PRKAR1B: variants seen among roughly 807,000 people sequenced by gnomAD.
PRKAR1B encodes the protein cAMP-dependent protein kinase type I-beta regulatory subunit.
PRKAR1B carries 22 observed loss-of-function variants against 46.5 expected under a neutral mutation model. The observed-to-expected ratio is 0.47, with a 90% CI of 0.34 to 0.68. The LOEUF (loss-of-function observed/expected upper bound fraction) is 0.68. Ranked by LOEUF, PRKAR1B falls within the 30% of genes least tolerant of loss-of-function variation. PRKAR1B has a pLI of 0.01. For synonymous variants in PRKAR1B, 259 were observed against 217.7 expected, an observed-to-expected ratio of 1.19 and a Z score of -1.67; for missense variants, 445 against 535.6, an observed-to-expected ratio of 0.83 and a Z score of 1.67.
At chr7:665,873 G>A (rs567801065) in intron 4 of PRKAR1B, among the ~76,000 whole-genome samples, 7 of 152,298 alleles carry the variant, frequency 4.6e-5, no homozygotes, top group East Asian at 1.9e-4. Context: ...AGAGATACGC[G>A]GGTGGGAGGA....
In PRKAR1B at chr7:687,817, C is replaced by T. The variant is rs375787493; in HGVS notation, c.178-7091G>A. On this transcript the variant is annotated intron_variant, in intron 2 of 10. Coordinates refer to ENST00000537384, the MANE Select transcript of PRKAR1B (RefSeq NM_001164760.2). ...AGCCAGAAAAAAAGGCATTACCGGCCGGGCATGGTGGCTCATGCCTGTAAT... is the reference window on the plus strand; with the variant it reads ...AGCCAGAAAAAAAGGCATTACCGGCTGGGCATGGTGGCTCATGCCTGTAAT... Among the ~76,000 whole-genome samples the T allele has an allele frequency of 3.2e-4, 48 of 152,290 alleles. No individual in the cohort carries two copies. In the East Asian group the frequency reaches 5.4e-3, roughly 17 times the overall value.
At chr7:715,105 G>T (rs560731945) in intron 1 of PRKAR1B, among the ~76,000 whole-genome samples, 1 of 152,252 alleles carries the variant, frequency 6.6e-6, no homozygotes, top group African/African-American at 2.4e-5. Context: ...AGAATCACTT[G>T]AACTCCAGTG....
chr7:643,555 T>C (rs999917372), intron 4 of PRKAR1B, among the ~76,000 whole-genome samples: 3 of 151,134 alleles, frequency 2.0e-5, no homozygotes, highest in Admixed American at 6.6e-5. Context: ...AAACCCAGTC[T>C]CTAATAAAAA....
At chr7:688,475 G>A (rs1357958457) in intron 2 of PRKAR1B, among the ~76,000 whole-genome samples, 5 of 151,494 alleles carry the variant, frequency 3.3e-5, no homozygotes, top group African/African-American at 7.2e-5. Flanking sequence ...CCTCCGATCT[G>A]AGTTGAAACA....
At chr7:605,876 G>T (rs1307302096) in intron 6 of PRKAR1B, among the ~76,000 whole-genome samples, 3 of 152,182 alleles carry the variant, frequency 2.0e-5, no homozygotes, top group Admixed American at 2.0e-4. Context: ...CCTCGGATCT[G>T]GAGACGGCGC....
upstream of PRKAR1B, among the ~76,000 whole-genome samples, chr7:728,689 C>G (rs773441679): frequency 8.5e-5 from 13 of 152,356 alleles, no homozygotes; most frequent in Middle Eastern, 0.01. Context: ...GTAGGTTCCA[C>G]AGGACAGCAC....
At chr7:551,541 C>T (rs974050439) in intron 9 of PRKAR1B, 71 bp from the exon 10 acceptor site, 16 of 1,454,464 alleles carry the variant, frequency 1.1e-5, no homozygotes, top group Non-Finnish European at 1.5e-5. Context: ...TGAGGGGTCA[C>T]CCCACAGGGG....
chr7:559,828 T>A (rs1303022245), intron 9 of PRKAR1B, among the ~76,000 whole-genome samples: 1 of 152,164 alleles, frequency 6.6e-6, no homozygotes, highest in East Asian at 1.9e-4. Flanking sequence ...GTAATCCCAA[T>A]ACTTTGGGAG....
At chr7:650,687 G>A (rs1784859599) in intron 4 of PRKAR1B, among the ~76,000 whole-genome samples, 2 of 152,348 alleles carry the variant, frequency 1.3e-5, no homozygotes, top group Non-Finnish European at 2.9e-5. Context: ...CTTTGACTGC[G>A]CCAACTTCAA....
intron 1 of PRKAR1B, among the ~76,000 whole-genome samples, chr7:715,619 G>A (rs1199977680): frequency 6.6e-6 from 1 of 152,062 alleles, no homozygotes; most frequent in Non-Finnish European, 1.5e-5. Flanking sequence ...AAGCCCTGTG[G>A]GGTCTTACTT....
In PRKAR1B at chr7:713,313, CGG is replaced by C. The variant is rs1780754219; in HGVS notation, c.-22-1788_-22-1787del. On this transcript the variant is annotated intron_variant, in intron 1 of 10. Coordinates refer to ENST00000537384, the MANE Select transcript of PRKAR1B (RefSeq NM_001164760.2). ...CTGTGCACACTCACCTGTCTACCCCCGGGGTCCTCCACCCACCTGCCCAGCCC... is the reference window on the plus strand; with the variant it reads ...CTGTGCACACTCACCTGTCTACCCCCGGTCCTCCACCCACCTGCCCAGCCC... 21 of 154,638 alleles carry C rather than the reference CGG, an allele frequency of 1.4e-4. No homozygotes were observed. The South Asian group carries it at 3.9e-3, about 28-fold the overall frequency. 9.6% of individuals were successfully genotyped at this position (154,638 alleles called of 1,614,324 possible).
intron 4 of PRKAR1B, among the ~76,000 whole-genome samples, chr7:672,585 T>C (rs920905209): frequency 6.6e-6 from 1 of 151,946 alleles, no homozygotes; most frequent in Non-Finnish European, 1.5e-5. Context: ...ATAAAAATAA[T>C]AGCCAGGCGC....
chr7:699,982 G>C (rs190043311), intron 2 of PRKAR1B, among the ~76,000 whole-genome samples: 1 of 152,176 alleles, frequency 6.6e-6, no homozygotes. Flanking sequence ...CGGCGTGGGC[G>C]GGGGAAGGGG....
At chr7:684,868 T>TCA (rs1554303000) in intron 2 of PRKAR1B, among the ~76,000 whole-genome samples, 25 of 130,764 alleles carry the variant, frequency 1.9e-4, no homozygotes, top group African/African-American at 6.9e-4. Context: ...TCCACCCACT[T>TCA]CACACAGACA....
At chr7:552,724 G>A (rs1032750501) in intron 9 of PRKAR1B, among the ~76,000 whole-genome samples, 10 of 152,194 alleles carry the variant, frequency 6.6e-5, no homozygotes, top group South Asian at 2.1e-4. Flanking sequence ...GGGAGGGGAC[G>A]CGCTGGGACC....
At position 677,281 on chromosome 7, in the gene PRKAR1B, T is replaced by G; in HGVS notation, c.388A>C (p.Lys130Gln). The change falls in exon 4 of 11, where the codon AAG becomes CAG. Residue 130 changes from lysine to glutamine, a missense_variant. Lys to Gln is a moderately conservative substitution (Grantham distance 53). Around this residue, in one of 5 missense-constraint regions of PRKAR1B, gnomAD observed 94 missense variants for 126.9 expected, o/e 0.74. Transcript: ENST00000537384. ...AAGAGCACGTTCTTGGAGATGGCCT[T>G]GGCCAGCGCAGTCATGGTTTTGTAG... Reference protein sequence around the residue: ...KDYKTMTALAKAISKNVLFAH... With the variant: ...KDYKTMTALAQAISKNVLFAH... 6.2e-7 allele frequency: 1 copy of G among 1,614,258 alleles called. No homozygotes were observed. Among genetic ancestry groups the G allele is most frequent in the South Asian group, 1.1e-5 (1 of 91,086 alleles).
At chr7:563,751 G>C (rs1260168440) in intron 9 of PRKAR1B, among the ~76,000 whole-genome samples, 1 of 151,828 alleles carries the variant, frequency 6.6e-6, no homozygotes, top group Non-Finnish European at 1.5e-5. Context: ...GTATGTACGT[G>C]TGTGTGCTCA....
At chr7:726,303 A>G (rs1160859269) in intron 1 of PRKAR1B, among the ~76,000 whole-genome samples, 1 of 151,800 alleles carries the variant, frequency 6.6e-6, no homozygotes, top group Non-Finnish European at 1.5e-5. Context: ...CCTGGAACGG[A>G]CCTTCCCAAA....
intron 4 of PRKAR1B, among the ~76,000 whole-genome samples, chr7:640,905 T>G (rs1044420132): frequency 3.3e-5 from 5 of 151,340 alleles, no homozygotes; most frequent in African/African-American, 1.2e-4. Flanking sequence ...ATGAGAACCC[T>G]CATACGTTGC....
Sources: gnomAD v4.1 joint callset for allele counts (sites outside exome capture counted in the v4.1 genomes callset) on GRCh38, gnomAD v4.1.1 for gene constraint, gnomAD v4.1.1 regional missense constraint, MANE v1.5 for transcripts, NCBI Gene and HGNC (gene_info 2026-07-23, HGNC 2026-07-21) for gene names.